COL23A1: variants seen among roughly 807,000 people sequenced by gnomAD.
The protein encoded by COL23A1 is collagen alpha-1(XXIII) chain.
A neutral mutation model predicts 99.3 loss-of-function variants in COL23A1; 97 were observed. That is an observed-to-expected ratio of 0.98 (90% CI 0.83 to 1.16). The LOEUF (loss-of-function observed/expected upper bound fraction) is 1.16, where lower values mean the gene tolerates loss of function less well. Ranked by LOEUF, COL23A1 falls within the 50% of genes most tolerant of loss-of-function variation. The pLI, the probability that COL23A1 is intolerant of heterozygous loss-of-function variation, is 0.00. For missense variants in COL23A1, 762 were observed against 757.4 expected (o/e 1.01, Z -0.07); for synonymous variants, 320 against 308.2 (o/e 1.04, Z -0.40).
At chr5:178,338,911 GAC>G (rs1464575795) in intron 2 of COL23A1, among the ~76,000 whole-genome samples, 1 of 152,192 alleles carries the variant, frequency 6.6e-6, no homozygotes, top group Non-Finnish European at 1.5e-5. Context: ...GAAGGCCAGA[GAC>G]AGGCTGAGGC....
At chr5:178,489,201 C>A (rs1016270721) in intron 2 of COL23A1, among the ~76,000 whole-genome samples, 4 of 152,168 alleles carry the variant, frequency 2.6e-5, no homozygotes, top group African/African-American at 9.6e-5. Context: ...CCAGTAGGGA[C>A]AAAGCAGACA....
intron 2 of COL23A1, among the ~76,000 whole-genome samples, chr5:178,523,882 T>A (rs1263846148): frequency 6.6e-6 from 1 of 152,152 alleles, no homozygotes; most frequent in African/African-American, 2.4e-5. Flanking sequence ...CAAGTTACAC[T>A]ACCTGGGCTC....
In COL23A1 at chr5:178,387,924, G is replaced by GA. The variant is rs200823111; in HGVS notation, c.362-81006_362-81005insT. On this transcript the variant is annotated intron_variant, in intron 2 of 28. Transcript: ENST00000390654. The surrounding 1 kb of genome is among the most constrained non-coding windows in gnomAD (Gnocchi z 4.7). ...AAGATGTGGCAGCTGTGGTGGCACT[G>GA]CAAGAACTGCCAGTGAAGGACAGAA... Among the ~76,000 whole-genome samples the GA allele has an allele frequency of 0.015, 2,341 of 152,252 alleles. 65 individuals carry two copies. The highest frequency in any genetic ancestry group is 0.054 in the African/African-American group (2,230 of 41,522).
intron 5 of COL23A1, among the ~76,000 whole-genome samples, chr5:178,274,746 G>A (rs929836864): frequency 6.6e-6 from 1 of 152,218 alleles, no homozygotes; most frequent in Non-Finnish European, 1.5e-5. Flanking sequence ...GCTCAGCCTT[G>A]CAGGGCCCAG....
intron 2 of COL23A1, among the ~76,000 whole-genome samples, chr5:178,314,593 C>CT (rs761528920): frequency 3.9e-5 from 6 of 152,162 alleles, no homozygotes; most frequent in Non-Finnish European, 5.9e-5. Context: ...TACAAAGGAG[C>CT]TGACAGCACC....
chr5:178,537,224 G>A (rs1562065573), intron 2 of COL23A1, among the ~76,000 whole-genome samples: 1 of 151,360 alleles, frequency 6.6e-6, no homozygotes. Context: ...TCTTAGGGGG[G>A]TCTGGGGCTT....
At chr5:178,571,580 A>G (rs1011348556) in intron 1 of COL23A1, among the ~76,000 whole-genome samples, 6 of 143,084 alleles carry the variant, frequency 4.2e-5, no homozygotes, top group African/African-American at 1.7e-4. Context: ...ATGAGGTAAA[A>G]GTCATCATGT....
chr5:178,345,683 A>G (rs1330929536), intron 2 of COL23A1, among the ~76,000 whole-genome samples: 1 of 150,212 alleles, frequency 6.7e-6, no homozygotes, highest in African/African-American at 2.5e-5. Context: ...CGCCCGGCTA[A>G]TTTTTTGTAT....
At position 178,589,017 on chromosome 5, in the gene COL23A1, G is replaced by A. The variant is rs1471613902; in HGVS notation, c.294+887C>T. Among the ~76,000 whole-genome samples, 17 of 152,124 alleles carry A rather than the reference G, an allele frequency of 1.1e-4. No individual in the cohort carries two copies. Among genetic ancestry groups the A allele is most frequent in the Admixed American group, 1.1e-3 (17 of 15,280 alleles). Reference sequence around the variant, plus strand: ...AGCCCACCAGGGCCTGTCCAGTTTCGTGGGGAGGGGAACTGCCGCACATGC... The same window carrying A: ...AGCCCACCAGGGCCTGTCCAGTTTCATGGGGAGGGGAACTGCCGCACATGC... On this transcript the variant is annotated intron_variant, in intron 1 of 28. Coordinates refer to ENST00000390654, the MANE Select transcript of COL23A1 (RefSeq NM_173465.4). The surrounding 1 kb of genome is among the most constrained non-coding windows in gnomAD (Gnocchi z 5.4).
At chr5:178,498,249 T>TATATATATAA in intron 2 of COL23A1, among the ~76,000 whole-genome samples, 3 of 57,742 alleles carry the variant, frequency 5.2e-5, no homozygotes, top group Non-Finnish European at 8.5e-5. Flanking sequence ...TATATATATA[T>TATATATATAA]ATATATATAA....
At chr5:178,565,879 G>A (rs1762816503) in intron 1 of COL23A1, among the ~76,000 whole-genome samples, 3 of 151,156 alleles carry the variant, frequency 2.0e-5, no homozygotes, top group South Asian at 4.2e-4. Flanking sequence ...TTGGGAGGCC[G>A]AGGCAGGCAG....
At chr5:178,347,215 C>T (rs1440079515) in intron 2 of COL23A1, among the ~76,000 whole-genome samples, 1 of 152,176 alleles carries the variant, frequency 6.6e-6, no homozygotes, top group Non-Finnish European at 1.5e-5. Flanking sequence ...CCGTGGAACA[C>T]CTGAAATATG....
intron 5 of COL23A1, among the ~76,000 whole-genome samples, chr5:178,283,540 T>G (rs554672895): frequency 3.4e-4 from 52 of 152,372 alleles, no homozygotes; most frequent in Middle Eastern, 6.8e-3. Context: ...CATCACATCC[T>G]TGTTTTATTC....
At chr5:178,464,227 C>T (rs1298642968) in intron 2 of COL23A1, among the ~76,000 whole-genome samples, 1 of 152,192 alleles carries the variant, frequency 6.6e-6, no homozygotes, top group Non-Finnish European at 1.5e-5. Flanking sequence ...ATTCGGCACT[C>T]CCACAGCCCA....
chr5:178,290,295 A>G, intron 4 of COL23A1, 67 bp downstream of exon 4: 1 of 1,599,532 alleles, frequency 6.3e-7, no homozygotes, highest in Non-Finnish European at 8.6e-7. Flanking sequence ...TGTTCATGGA[A>G]TTGCAACAGA....
Position 178,254,234 on chromosome 5 carries a change from G to A in COL23A1, c.960+715C>T, listed in dbSNP as rs565165364. On this transcript the variant is annotated intron_variant, in intron 16 of 28. Transcript: ENST00000390654. ...TCTCCCACAAGGCTAGGTCAGCCTG[G>A]GACACATCATGCATGTGCCTGCCGT... Among the ~76,000 whole-genome samples the A allele has an allele frequency of 2.0e-5, 3 of 152,268 alleles. No individual in the cohort carries two copies. In the East Asian group the frequency reaches 5.8e-4, roughly 29 times the overall value.
intron 2 of COL23A1, among the ~76,000 whole-genome samples, chr5:178,397,608 A>G (rs1427349744): frequency 6.6e-6 from 1 of 152,200 alleles, no homozygotes; most frequent in Non-Finnish European, 1.5e-5. Context: ...CATGCCATAA[A>G]TGCACCTGCT....
chr5:178,354,902 C>A (rs900201554), intron 2 of COL23A1, among the ~76,000 whole-genome samples: 5 of 151,842 alleles, frequency 3.3e-5, no homozygotes, highest in Admixed American at 3.3e-4. Context: ...AGTAAAAATA[C>A]AAAAAATTAG....
At chr5:178,420,297 G>A (rs1346979148) in intron 2 of COL23A1, among the ~76,000 whole-genome samples, 2 of 151,918 alleles carry the variant, frequency 1.3e-5, no homozygotes, top group Non-Finnish European at 2.9e-5. Context: ...GGCAGCACTC[G>A]TGCCAGCACA....
Sources: allele counts gnomAD v4.1 joint callset (sites outside exome capture counted in the v4.1 genomes callset), GRCh38; gene constraint gnomAD v4.1.1; non-coding constraint Gnocchi (gnomAD v3.1); transcripts MANE v1.5; gene names NCBI Gene and HGNC (gene_info 2026-07-23, HGNC 2026-07-21).